Variants in LHCGR observed in about 807,000 individuals in gnomAD.
The protein encoded by LHCGR is lutropin-choriogonadotropic hormone receptor.
A neutral mutation model predicts 60.7 loss-of-function variants in LHCGR; 55 were observed. The ratio of observed to expected loss-of-function variants is 0.91; its 90% CI spans 0.73 to 1.13. The LOEUF (loss-of-function observed/expected upper bound fraction) is 1.13, where lower values mean the gene tolerates loss of function less well. LHCGR is among the 50% of genes most tolerant of loss of function. The pLI, the probability that LHCGR is intolerant of heterozygous loss-of-function variation, is 0.00. For missense variants in LHCGR, 862 were observed against 836.0 expected (o/e 1.03, Z -0.38); for synonymous variants, 337 against 316.5 (o/e 1.06, Z -0.69).
chr2:48,754,430 T>G (rs1207413888), intron 1 of LHCGR, among the ~76,000 whole-genome samples: 2 of 152,162 alleles, frequency 1.3e-5, no homozygotes, highest in African/African-American at 2.4e-5. Flanking sequence ...TTTTAGATAC[T>G]CTTGTCTTTT....
In LHCGR at chr2:48,723,716, A is replaced by T. The variant is rs774422118; in HGVS notation, c.384-20T>A. On this transcript the variant is annotated intron_variant, in intron 4 of 10. Coordinates refer to ENST00000294954, the MANE Select transcript of LHCGR (RefSeq NM_000233.4). ...ATGCTCCTGTGATTAGGGACAGGAT[A>T]GTGGTGTGGGCAGAGAGTGGGTAAA... 3.8e-5 allele frequency: 60 copies of T among 1,575,246 alleles called. No homozygotes were observed. The highest frequency in any genetic ancestry group is 2.0e-5 in the Non-Finnish European group (23 of 1,144,844).
intron 7 of LHCGR, among the ~76,000 whole-genome samples, chr2:48,709,469 C>T (rs1285801018): frequency 2.6e-5 from 4 of 152,122 alleles, no homozygotes; most frequent in Admixed American, 1.3e-4. Flanking sequence ...TTTGCAAATA[C>T]TTGAAAAAGT....
At chr2:48,733,853 T>C (rs1275367693) in intron 1 of LHCGR, among the ~76,000 whole-genome samples, 1 of 152,210 alleles carries the variant, frequency 6.6e-6, no homozygotes, top group Non-Finnish European at 1.5e-5. Flanking sequence ...GTCTCCAGAA[T>C]TTATTAATAA....
chr2:48,735,217 T>G (rs1202333217), intron 1 of LHCGR, among the ~76,000 whole-genome samples: 7 of 152,232 alleles, frequency 4.6e-5, no homozygotes, highest in Non-Finnish European at 2.9e-5. Context: ...GTGTTAAAGT[T>G]GAAATCGAAA....
At chr2:48,721,744 A>C (rs1668507938) in intron 6 of LHCGR, 1 of 471,016 alleles carries the variant, frequency 2.1e-6, no homozygotes, top group Non-Finnish European at 4.4e-6. Flanking sequence ...TTTAAGGGTG[A>C]GCTCCTTTAT....
intron 1 of LHCGR, among the ~76,000 whole-genome samples, chr2:48,751,078 G>A (rs918647216): frequency 1.3e-5 from 2 of 152,174 alleles, no homozygotes; most frequent in African/African-American, 4.8e-5. Context: ...CCAGGATATT[G>A]AAGTGAGTAT....
chr2:48,734,098 AGGCAACCTGG>A, intron 1 of LHCGR, among the ~76,000 whole-genome samples: 1 of 152,146 alleles, frequency 6.6e-6, no homozygotes, highest in Non-Finnish European at 1.5e-5. Context: ...AGGGGCTTGG[AGGCAACCTGG>A]GTGTCCATTA....
intron 6 of LHCGR, among the ~76,000 whole-genome samples, chr2:48,718,346 C>T (rs59923501): frequency 0.11 from 17,294 of 152,152 alleles, 2,018 homozygotes; most frequent in African/African-American, 0.3. Flanking sequence ...ACAGATGATA[C>T]TCTAATTCTG....
Position 48,698,683 on chromosome 2 carries a change from G to C in LHCGR, c.798C>G (p.Val266=). Residue 266 remains valine, a synonymous_variant, in exon 9 of 11, where the codon GTC becomes GTG. Coordinates refer to ENST00000294954, the MANE Select transcript of LHCGR (RefSeq NM_000233.4). ...LKKLPSRETF[V]NLLEATLTYP... is the part of the protein sequence containing the mutation. ...AAGTCAACGTGGCCTCCAGGAGATT[G>C]ACAAATGTTTCTCTTGATGGCAATT... 6.2e-7 allele frequency: 1 copy of C among 1,614,140 alleles called. No individual in the cohort carries two copies. Among genetic ancestry groups the C allele is most frequent in the Non-Finnish European group, 8.5e-7 (1 of 1,179,990 alleles).
At chr2:48,715,676 A>G (rs922396401) in intron 6 of LHCGR, among the ~76,000 whole-genome samples, 35 of 152,182 alleles carry the variant, frequency 2.3e-4, no homozygotes, top group Non-Finnish European at 3.7e-4. Context: ...CATCAACAGC[A>G]TGTATGTACT....
At chr2:48,739,023 T>C (rs1244448029) in intron 1 of LHCGR, among the ~76,000 whole-genome samples, 1 of 152,242 alleles carries the variant, frequency 6.6e-6, no homozygotes, top group African/African-American at 2.4e-5. Context: ...TCATGGTTCC[T>C]ACTGTTTGGC....
intron 1 of LHCGR, among the ~76,000 whole-genome samples, chr2:48,736,909 T>C (rs1262033183): frequency 6.6e-6 from 1 of 152,226 alleles, no homozygotes; most frequent in Non-Finnish European, 1.5e-5. Flanking sequence ...CTCTCTCTTT[T>C]TAAGGACAGG....
chr2:48,687,703 C>G lies in LHCGR; in HGVS notation c.2094G>C (p.Glu698Asp), dbSNP rs544330797. 2 of 1,612,904 alleles carry G rather than the reference C, an allele frequency of 1.2e-6. No homozygotes were observed. The highest frequency in any genetic ancestry group is 1.7e-6 in the Non-Finnish European group (2 of 1,178,928). ...GCAGTTACTGATGTAACAGTTAACA[C>G]TCTGTGTAGCGAGTCTTGTCTAGGA... ...TALLDKTRYT[E>D]C Residue 698 changes from glutamate to aspartate, a missense_variant, in exon 11 of 11, where the codon GAG (glutamate) becomes GAC (aspartate). Coordinates refer to ENST00000294954, the MANE Select transcript of LHCGR (RefSeq NM_000233.4).
chr2:48,688,797 C>G lies in LHCGR; in HGVS notation c.1000G>C (p.Gly334Arg), dbSNP rs866558607. 2 of 1,614,082 alleles carry G rather than the reference C, an allele frequency of 1.2e-6. No individual in the cohort carries two copies. Among genetic ancestry groups the G allele is most frequent in the Admixed American group, 1.7e-5 (1 of 59,996 alleles). Reference protein sequence around the residue: ...SELSGWDYEYGFCLPKTPRCA... With the variant: ...SELSGWDYEYRFCLPKTPRCA... ...CGGGGTGTCTTGGGTAAGCAGAAAC[C>G]ATATTCATAGTCCCAGCCACTCAGT... Residue 334 changes from glycine (G) to arginine (R), a missense_variant, in exon 11 of 11, where the codon GGT becomes CGT. Transcript: ENST00000294954. The surrounding 1 kb of genome is among the most constrained non-coding windows in gnomAD (Gnocchi z 5.2).
intron 1 of LHCGR, among the ~76,000 whole-genome samples, chr2:48,739,375 C>A (rs146137926): frequency 6.6e-6 from 1 of 152,254 alleles, no homozygotes; most frequent in African/African-American, 2.4e-5. Context: ...GTATTTATTG[C>A]GGCACTATTC....
intron 8 of LHCGR, among the ~76,000 whole-genome samples, chr2:48,706,809 T>C (rs1295157491): frequency 6.6e-6 from 1 of 152,208 alleles, no homozygotes; most frequent in Non-Finnish European, 1.5e-5. Flanking sequence ...TTCATGGTTT[T>C]TTAGCTTCCT....
chr2:48,707,598 G>C (rs1215110178), intron 8 of LHCGR, among the ~76,000 whole-genome samples: 1 of 152,258 alleles, frequency 6.6e-6, no homozygotes, highest in African/African-American at 2.4e-5. Flanking sequence ...TGCCCACAGA[G>C]GTGGAATTTA....
At chr2:48,725,894 A>C in intron 3 of LHCGR, 144 bp from the exon 4 acceptor site, 19 of 694,658 alleles carry the variant, frequency 2.7e-5, no homozygotes, top group Non-Finnish European at 3.4e-5. Flanking sequence ...GAGGACCCCT[A>C]GCGACTCTGG....
chr2:48,697,339 C>G (rs1667165458), intron 9 of LHCGR, among the ~76,000 whole-genome samples: 1 of 152,214 alleles, frequency 6.6e-6, no homozygotes, highest in Non-Finnish European at 1.5e-5. Flanking sequence ...ACACTCTGCT[C>G]TGTTCTCAGA....
Sources: allele counts gnomAD v4.1 joint callset (sites outside exome capture counted in the v4.1 genomes callset), GRCh38; gene constraint gnomAD v4.1.1; non-coding constraint Gnocchi (gnomAD v3.1); transcripts MANE v1.5; gene names NCBI Gene and HGNC (gene_info 2026-07-23, HGNC 2026-07-21).